The following CCDC30 variants were observed in gnomAD, a reference collection of about 807,000 sequenced individuals.
CCDC30 encodes the protein coiled-coil domain-containing protein 30.
CCDC30 carries 70 observed loss-of-function variants against 100.2 expected under a neutral mutation model. The observed-to-expected ratio is 0.70, with a 90% CI of 0.58 to 0.85. The LOEUF (loss-of-function observed/expected upper bound fraction) is 0.85. Among genes scored for constraint, CCDC30 ranks in the 40% least tolerant of loss-of-function variants. The pLI is 0.00. For synonymous variants in CCDC30, 233 were observed against 269.5 expected (o/e 0.86, Z 1.33); for missense variants, 652 against 771.2 (o/e 0.85, Z 1.83).
chr1:42,525,906 C>T (rs1355662772), intron 6 of CCDC30, among the ~76,000 whole-genome samples: 1 of 152,182 alleles, frequency 6.6e-6, no homozygotes, highest in African/African-American at 2.4e-5. Context: ...ATTGTTCTTA[C>T]AGCTCTCTCA....
At chr1:42,505,020 C>T (rs545528704) in intron 6 of CCDC30, among the ~76,000 whole-genome samples, 85 of 152,312 alleles carry the variant, frequency 5.6e-4, no homozygotes, top group African/African-American at 1.9e-3. Context: ...AATACTACAG[C>T]AGTGGAAACT....
chr1:42,529,192 G>A (rs1030204822), intron 6 of CCDC30, among the ~76,000 whole-genome samples: 2 of 152,176 alleles, frequency 1.3e-5, no homozygotes, highest in Non-Finnish European at 2.9e-5. Context: ...ACCGGAAAAT[G>A]AGTTGCTGCG....
Position 42,581,496 on chromosome 1 carries a change from A to AAGAAC in CCDC30, c.987_988insCAGAA (p.Glu330GlnfsTer14). ...GAAGCTAAAGTAAAGCAACAATATC[A>AAGAAC]AGAAGAACAACAGAAGAGGTAAGAG... On this transcript the variant is annotated frameshift_variant, in exon 9 of 17. Transcript: ENST00000668663. LOFTEE classifies it high-confidence loss of function. The AAGAAC allele has an allele frequency of 6.2e-7, 1 of 1,612,702 alleles. No homozygotes were observed. Among genetic ancestry groups the AAGAAC allele is most frequent in the Non-Finnish European group, 8.5e-7 (1 of 1,179,310 alleles).
chr1:42,562,479 G>T (rs1284412204), intron 6 of CCDC30, among the ~76,000 whole-genome samples: 1 of 152,132 alleles, frequency 6.6e-6, no homozygotes, highest in Non-Finnish European at 1.5e-5. Flanking sequence ...AGACTTAAAT[G>T]TAAAACTCAA....
At position 42,637,486 on chromosome 1, in the gene CCDC30, G is replaced by A. The variant is rs955755148; in HGVS notation, c.1419+108G>A. The A allele has an allele frequency of 4.2e-5, 43 of 1,021,212 alleles. No homozygotes were observed. In the Admixed American group the frequency reaches 7.1e-4, roughly 17 times the overall value. 63.3% of individuals were successfully genotyped at this position (1,021,212 alleles called of 1,614,324 possible). A position where few individuals can be genotyped will look rare whatever the true frequency, so the allele number is the denominator to read the frequency against. ...TATTTGAGACCCCTTCATAGTCCTC[G>A]TTTTCATTTCTTTTCTTTGCACCAT... On this transcript the variant is annotated intron_variant, in intron 12 of 16. Coordinates refer to ENST00000668663, the Ensembl canonical transcript of CCDC30.
At chr1:42,613,459 G>A (rs1368531156) in intron 11 of CCDC30, among the ~76,000 whole-genome samples, 2 of 151,922 alleles carry the variant, frequency 1.3e-5, no homozygotes, top group African/African-American at 2.4e-5. Flanking sequence ...GGGTTTCACC[G>A]TGTTAGCCAG....
chr1:42,578,213 C>T (rs1456772550), intron 8 of CCDC30, among the ~76,000 whole-genome samples: 4 of 152,058 alleles, frequency 2.6e-5, no homozygotes, highest in African/African-American at 9.7e-5. Flanking sequence ...AAGTAGATGA[C>T]AGCAATCTGA....
intron 9 of CCDC30, 123 bp from the exon 14 acceptor site, chr1:42,589,198 A>T: frequency 1.5e-6 from 1 of 646,214 alleles, no homozygotes; most frequent in Non-Finnish European, 2.6e-6. Context: ...TTTAGCTTAT[A>T]GACACATACC....
chr1:42,637,700 G>T (rs963768556), intron 12 of CCDC30, among the ~76,000 whole-genome samples: 2 of 152,170 alleles, frequency 1.3e-5, no homozygotes, highest in Non-Finnish European at 2.9e-5. Context: ...ACTCATTTCT[G>T]CTTTGTGGAG....
chr1:42,557,639 TAAATA>T (rs1645396637), intron 6 of CCDC30, among the ~76,000 whole-genome samples: 1 of 116,176 alleles, frequency 8.6e-6, no homozygotes. Context: ...TTTAAATAAT[TAAATA>T]AAATATTTTA....
Position 42,490,235 on chromosome 1 carries a change from T to A in CCDC30, c.241+6T>A. 2 of 1,157,502 alleles carry A rather than the reference T, an allele frequency of 1.7e-6. No homozygotes were observed. The highest frequency in any genetic ancestry group is 8.8e-5 in the South Asian group (2 of 22,786). 71.7% of individuals were successfully genotyped at this position (1,157,502 alleles called of 1,614,324 possible). A position where few individuals can be genotyped will look rare whatever the true frequency, so the allele number is the denominator to read the frequency against. On this transcript the variant is annotated splice_donor_region_variant and intron_variant, in intron 4 of 16. Coordinates refer to ENST00000668663, the Ensembl canonical transcript of CCDC30. ...GGTAAAGCTGAAAGAAAATGGTAAGTCATTCTAGAAGATATGATGATTATT... is the reference window on the plus strand; with the variant it reads ...GGTAAAGCTGAAAGAAAATGGTAAGACATTCTAGAAGATATGATGATTATT...
intron 6 of CCDC30, among the ~76,000 whole-genome samples, chr1:42,503,983 A>G (rs973308770): frequency 5.3e-5 from 8 of 152,322 alleles, no homozygotes; most frequent in Non-Finnish European, 7.3e-5. Context: ...CAGAGCTGAG[A>G]GCCCCGAACA....
intron 15 of CCDC30, among the ~76,000 whole-genome samples, chr1:42,648,689 A>C (rs1322828027): frequency 6.6e-6 from 1 of 152,148 alleles, no homozygotes; most frequent in Non-Finnish European, 1.5e-5. Context: ...CAAACAAACA[A>C]AAAAGATTAG....
chr1:42,482,633 GT>G, intron 2 of CCDC30, 29 bp from the exon 3 acceptor site: 1 of 1,214,908 alleles, frequency 8.2e-7, no homozygotes, highest in Non-Finnish European at 1.0e-6. Context: ...TTTGCTCTTT[GT>G]TTTATTACTA....
chr1:42,556,863 T>G (rs936541041), intron 6 of CCDC30, among the ~76,000 whole-genome samples: 1 of 152,226 alleles, frequency 6.6e-6, no homozygotes, highest in Non-Finnish European at 1.5e-5. Context: ...GATGGTAGGA[T>G]GCACCACATT....
chr1:42,534,855 T>G (rs942951535), intron 6 of CCDC30: 1 of 152,176 alleles, frequency 6.6e-6, no homozygotes, highest in African/African-American at 2.4e-5. Flanking sequence ...CAGTATTTTT[T>G]AAAATGACAT....
At chr1:42,512,074 A>G (rs1644487044) in intron 6 of CCDC30, among the ~76,000 whole-genome samples, 1 of 152,238 alleles carries the variant, frequency 6.6e-6, no homozygotes. Context: ...ATGGGCCGAA[A>G]TAAAGGGATG....
intron 7 of CCDC30, among the ~76,000 whole-genome samples, chr1:42,576,570 C>G (rs1419020933): frequency 6.6e-6 from 1 of 152,196 alleles, no homozygotes; most frequent in Non-Finnish European, 1.5e-5. Context: ...ATAATACTCA[C>G]ATGTTGGGTA....
intron 6 of CCDC30, among the ~76,000 whole-genome samples, chr1:42,546,471 C>A: frequency 7.6e-6 from 1 of 131,396 alleles, no homozygotes; most frequent in African/African-American, 2.8e-5. Flanking sequence ...ATATATATAT[C>A]CTTTTATTAG....
Sources: gnomAD v4.1 joint callset for allele counts (sites outside exome capture counted in the v4.1 genomes callset) on GRCh38, gnomAD v4.1.1 for gene constraint, MANE v1.5 for transcripts, NCBI Gene and HGNC (gene_info 2026-07-23, HGNC 2026-07-21) for gene names.